KCNG1: variants seen among roughly 807,000 people sequenced by gnomAD.
KCNG1 encodes voltage-gated potassium channel regulatory subunit KCNG1.
A neutral mutation model predicts 32.4 loss-of-function variants in KCNG1; 17 were observed. The observed-to-expected ratio is 0.52, with a 90% CI of 0.36 to 0.79. The LOEUF is 0.79. Ranked by LOEUF, KCNG1 falls within the 30% of genes least tolerant of loss-of-function variation. KCNG1 has a pLI of 0.00. For missense variants in KCNG1, 441 were observed against 735.2 expected, an observed-to-expected ratio of 0.60 and a Z score of 4.63; for synonymous variants, 358 against 339.9, an observed-to-expected ratio of 1.05 and a Z score of -0.59.
intron 1 of KCNG1, among the ~76,000 whole-genome samples, chr20:51,022,084 G>A (rs1033852025): frequency 2.0e-5 from 3 of 152,138 alleles, no homozygotes; most frequent in Non-Finnish European, 4.4e-5. Flanking sequence ...TGCATGAAGG[G>A]TGCCCCCATT....
intron 1 of KCNG1, among the ~76,000 whole-genome samples, chr20:51,019,964 C>T (rs1405597915): frequency 1.3e-5 from 2 of 152,234 alleles, no homozygotes; most frequent in African/African-American, 4.8e-5. Context: ...TCTTAGCCAC[C>T]TGCTGTCTGT....
rs1987705851 is a variant in KCNG1, at chr20:51,003,763, T to C, written c.*276A>G. On this transcript the variant is annotated 3_prime_UTR_variant, in exon 3 of 3. Transcript: ENST00000371571. ...TGGTGAAAAGAACAAGGCATCTCCT[T>C]ATTGAGGGAAACACACATAGGGGCT... 2.7e-6 allele frequency: 1 copy of C among 364,772 alleles called. No individual in the cohort carries two copies. The highest frequency in any genetic ancestry group is 4.8e-5 in the East Asian group (1 of 21,002). The allele number at this position is 364,772 out of a possible 1,614,324, so 22.6% of individuals were successfully genotyped here. A position where few individuals can be genotyped will look rare whatever the true frequency, so the allele number is the denominator to read the frequency against.
intron 1 of KCNG1, 96 bp downstream of exon 1, chr20:51,022,774 C>A (rs1017622463): frequency 2.0e-5 from 3 of 152,270 alleles, no homozygotes; most frequent in African/African-American, 7.2e-5. Flanking sequence ...AGGGCCACGG[C>A]CACGTGCAGC....
chr20:51,019,943 G>A lies in KCNG1; in HGVS notation c.-27+2927C>T, dbSNP rs114643726. 4.1e-3 allele frequency among the ~76,000 whole-genome samples: 632 copies of A among 152,312 alleles called. 5 individuals carry two copies. Among genetic ancestry groups the A allele is most frequent in the African/African-American group, 0.013 (550 of 41,568 alleles). On this transcript the variant is annotated intron_variant, in intron 1 of 2. Coordinates refer to ENST00000371571, the MANE Select transcript of KCNG1 (RefSeq NM_002237.4). Reference sequence around the variant, plus strand: ...CCAAGAGCTGCTGTGCCCTGGTGGAGAATATATCTTTCTTAGCCACCTGCT... The same window carrying A: ...CCAAGAGCTGCTGTGCCCTGGTGGAAAATATATCTTTCTTAGCCACCTGCT...
At chr20:51,009,385 C>G in intron 2 of KCNG1, 180 bp downstream of exon 2, 1 of 760,718 alleles carries the variant, frequency 1.3e-6, no homozygotes, top group Non-Finnish European at 2.1e-6. Context: ...CGTGGACCCC[C>G]ATGATGCTCA....
chr20:51,004,475 G>A lies in KCNG1; in HGVS notation c.1106C>T (p.Thr369Met), dbSNP rs1473010010. Residue 369 changes from threonine (T) to methionine (M), a missense_variant, in exon 3 of 3, where the codon ACG becomes ATG. This residue lies in a region of KCNG1 where 169 missense variants were observed against 297.7 expected (regional missense o/e 0.57). Transcript: ENST00000371571. This position sits in a 1 kb window ranked among gnomAD's most constrained non-coding sequence, Gnocchi z 4.3. ...GAACTCGCGGGTGCAGCGGCGGGCC[G>A]TGAGCCCCAGCGTCTGCAGCCCCAG... ...HSLGLQTLGL[T>M]ARRCTREFGL... 1.3e-6 allele frequency: 2 copies of A among 1,597,128 alleles called. No homozygotes were observed. The highest frequency in any genetic ancestry group is 2.3e-5 in the East Asian group (1 of 44,082).
chr20:51,019,150 A>C (rs992920870), intron 1 of KCNG1, among the ~76,000 whole-genome samples: 1 of 152,222 alleles, frequency 6.6e-6, no homozygotes, highest in Non-Finnish European at 1.5e-5. Flanking sequence ...TCGTCTCCAG[A>C]AGCCCTGCTG....
chr20:51,018,935 T>G (rs568314257), intron 1 of KCNG1, among the ~76,000 whole-genome samples: 1 of 152,286 alleles, frequency 6.6e-6, no homozygotes, highest in East Asian at 1.9e-4. Flanking sequence ...TAGTCTCTAT[T>G]TCATATGGAC....
Position 51,004,472 on chromosome 20 carries a change from G to A in KCNG1, c.1109C>T (p.Ala370Val). The A allele has an allele frequency of 1.3e-6, 2 of 1,599,588 alleles. No individual in the cohort carries two copies. Among genetic ancestry groups the A allele is most frequent in the South Asian group, 1.1e-5 (1 of 90,136 alleles). Residue 370 changes from alanine (A) to valine (V), a missense_variant, in exon 3 of 3, where the codon GCC becomes GTC. Ala to Val is a moderately conservative substitution (Grantham distance 64). Around this residue, in one of 6 missense-constraint regions of KCNG1, gnomAD observed 169 missense variants for 297.7 expected, o/e 0.57. Coordinates refer to ENST00000371571, the MANE Select transcript of KCNG1 (RefSeq NM_002237.4). This position sits in a 1 kb window ranked among gnomAD's most constrained non-coding sequence, Gnocchi z 4.3. ...SLGLQTLGLTARRCTREFGLL... is the reference protein window; with the variant it reads ...SLGLQTLGLTVRRCTREFGLL... ...CCCGAACTCGCGGGTGCAGCGGCGG[G>A]CCGTGAGCCCCAGCGTCTGCAGCCC...
At chr20:51,016,493 C>T (rs899182268) in intron 1 of KCNG1, among the ~76,000 whole-genome samples, 2 of 152,070 alleles carry the variant, frequency 1.3e-5, no homozygotes, top group African/African-American at 4.8e-5. Flanking sequence ...TCTCCTCCAG[C>T]TTGGGGGACA....
chr20:51,004,876 C>T lies in KCNG1; in HGVS notation c.775-70G>A, dbSNP rs1987767653. 30 of 1,424,694 alleles carry T rather than the reference C, an allele frequency of 2.1e-5. 1 individual carries two copies. Among genetic ancestry groups the T allele is most frequent in the Non-Finnish European group, 2.7e-5 (29 of 1,075,500 alleles). The allele number at this position is 1,424,694 out of a possible 1,614,324, so 88.3% of individuals were successfully genotyped here. A position where few individuals can be genotyped will look rare whatever the true frequency, so the allele number is the denominator to read the frequency against. ...CAGGAAAGGAGGGCAGAAGCTCTGC[C>T]CTGTGCCCTGCTGGGCTTCCCAGGC... is the stretch of plus-strand genomic sequence containing the variant. On this transcript the variant is annotated intron_variant, in intron 2 of 2. Transcript: ENST00000371571. This position sits in a 1 kb window ranked among gnomAD's most constrained non-coding sequence, Gnocchi z 4.3.
In KCNG1 at chr20:51,003,951, A is replaced by C; in HGVS notation, c.*88T>G. 6.8e-7 allele frequency: 1 copy of C among 1,461,258 alleles called. No individual in the cohort carries two copies. The highest frequency in any genetic ancestry group is 1.3e-5 in the South Asian group (1 of 77,632). The allele number at this position is 1,461,258 out of a possible 1,614,324, so 90.5% of individuals were successfully genotyped here. On this transcript the variant is annotated 3_prime_UTR_variant, in exon 3 of 3. Coordinates refer to ENST00000371571, the MANE Select transcript of KCNG1 (RefSeq NM_002237.4). The stretch of plus-strand genomic sequence containing the variant: ...GGTGCTGCGCCAGGACTGCACTCGG[A>C]AGCGGCCTGTCCCTCTCCAGGCGTC...
At position 51,015,206 on chromosome 20, in the gene KCNG1, T is replaced by A. The variant is rs1192113674; in HGVS notation, c.-26-4842A>T. On this transcript the variant is annotated intron_variant, in intron 1 of 2. Transcript: ENST00000371571. This position sits in a 1 kb window ranked among gnomAD's most constrained non-coding sequence, Gnocchi z 4.4. ...GAACAGGAGGGATTTGGGATGAACT[T>A]TGGAGGAAGAGCCCTCAGGACTGGC... is the stretch of plus-strand genomic sequence containing the variant. Among the ~76,000 whole-genome samples, 1 of 151,402 alleles carries A rather than the reference T, an allele frequency of 6.6e-6. No homozygotes were observed. Among genetic ancestry groups the A allele is most frequent in the Non-Finnish European group, 1.5e-5 (1 of 67,840 alleles).
chr20:51,009,397 A>T (rs1987966261), intron 2 of KCNG1, 168 bp downstream of exon 2: 1 of 836,588 alleles, frequency 1.2e-6, no homozygotes, highest in Non-Finnish European at 1.8e-6. Flanking sequence ...TGATGCTCAC[A>T]TATTAACAGG....
At chr20:51,012,722 A>C (rs189194871) in intron 1 of KCNG1, among the ~76,000 whole-genome samples, 2 of 152,326 alleles carry the variant, frequency 1.3e-5, no homozygotes, top group African/African-American at 4.8e-5. Context: ...TTCATGTAAA[A>C]ATCCATATCC....
chr20:51,018,342 G>A (rs905864818), intron 1 of KCNG1, among the ~76,000 whole-genome samples: 1 of 152,188 alleles, frequency 6.6e-6, no homozygotes, highest in African/African-American at 2.4e-5. Flanking sequence ...ATGGGGATCT[G>A]GTGAACGGAG....
Position 51,009,860 on chromosome 20 carries a change from T to C in KCNG1, c.479A>G (p.His160Arg). 1 of 1,613,432 alleles carries C rather than the reference T, an allele frequency of 6.2e-7. No homozygotes were observed. The highest frequency in any genetic ancestry group is 1.1e-5 in the South Asian group (1 of 91,086). The part of the protein sequence containing the change: ...ELLYWGIAED[H>R]LDGCCKRRYL... ...GCGGCGCTTGCAGCAGCCGTCCAGG[T>C]GGTCCTCCGCGATGCCCCAGTACAG... Residue 160 changes from histidine (H) to arginine (R), a missense_variant, in exon 2 of 3, where the codon CAC becomes CGC. Transcript: ENST00000371571.
At chr20:51,019,601 C>T (rs1204790791) in intron 1 of KCNG1, among the ~76,000 whole-genome samples, 1 of 152,140 alleles carries the variant, frequency 6.6e-6, no homozygotes, top group Admixed American at 6.5e-5. Flanking sequence ...AACACAGCTT[C>T]CAAGGCAACT....
intron 1 of KCNG1, chr20:51,013,684 G>T (rs1297763871): frequency 6.6e-6 from 1 of 152,146 alleles, no homozygotes; most frequent in Non-Finnish European, 1.5e-5. Flanking sequence ...GTGTTTGAAA[G>T]AAAAATGATT....
Sources: gnomAD v4.1 joint callset for allele counts (sites outside exome capture counted in the v4.1 genomes callset) on GRCh38, gnomAD v4.1.1 for gene constraint, gnomAD v4.1.1 regional missense constraint, Gnocchi (gnomAD v3.1) non-coding constraint, MANE v1.5 for transcripts, NCBI Gene and HGNC (gene_info 2026-07-23, HGNC 2026-07-21) for gene names.